The following ARHGAP15 variants were observed in gnomAD, a reference collection of about 807,000 sequenced individuals.
ARHGAP15 encodes rho GTPase-activating protein 15.
In ARHGAP15, 51 loss-of-function variants were observed where a neutral mutation model predicts 63.7. That is an observed-to-expected ratio of 0.80 (90% CI 0.64 to 1.01). ARHGAP15 has a LOEUF of 1.01. ARHGAP15 is among the 50% of genes least tolerant of loss of function. The pLI, the probability that ARHGAP15 is intolerant of heterozygous loss-of-function variation, is 0.00. For missense variants in ARHGAP15, 560 were observed against 564.6 expected (o/e 0.99, Z 0.08); for synonymous variants, 191 against 193.8 (o/e 0.99, Z 0.12).
intron 8 of ARHGAP15, among the ~76,000 whole-genome samples, chr2:143,448,122 T>C (rs576809490): frequency 3.3e-5 from 5 of 152,206 alleles, no homozygotes; most frequent in African/African-American, 7.2e-5. Context: ...AGAGCATGGA[T>C]AGACTTTTGT....
intron 5 of ARHGAP15, among the ~76,000 whole-genome samples, chr2:143,243,913 ATATT>A (rs2104955321): frequency 6.6e-6 from 1 of 152,240 alleles, no homozygotes; most frequent in South Asian, 2.1e-4. Context: ...TAAAGCGAAT[ATATT>A]TATTATTACT....
At chr2:143,375,836 A>G (rs946355346) in intron 6 of ARHGAP15, among the ~76,000 whole-genome samples, 3 of 152,192 alleles carry the variant, frequency 2.0e-5, no homozygotes, top group African/African-American at 4.8e-5. Context: ...TGAGACCCCA[A>G]CTACTCCAAA....
At chr2:143,253,165 A>G (rs1680243329) in intron 6 of ARHGAP15, among the ~76,000 whole-genome samples, 1 of 149,776 alleles carries the variant, frequency 6.7e-6, no homozygotes, top group South Asian at 2.1e-4. Context: ...GGAAAATCAA[A>G]GAAGAGCAAA....
intron 13 of ARHGAP15, among the ~76,000 whole-genome samples, chr2:143,739,896 C>A (rs1421715659): frequency 6.6e-6 from 1 of 152,190 alleles, no homozygotes; most frequent in African/African-American, 2.4e-5. Context: ...ACACCCCCAA[C>A]TAAGGAATTT....
chr2:143,315,406 A>G (rs1683654928), intron 6 of ARHGAP15, among the ~76,000 whole-genome samples: 1 of 152,298 alleles, frequency 6.6e-6, no homozygotes, highest in Admixed American at 6.5e-5. Context: ...TAGAATCATG[A>G]TATTATTATA....
At chr2:143,716,250 T>A (rs1253855784) in intron 13 of ARHGAP15, among the ~76,000 whole-genome samples, 1 of 152,162 alleles carries the variant, frequency 6.6e-6, no homozygotes, top group Non-Finnish European at 1.5e-5. Flanking sequence ...GAATGAGTTC[T>A]AAAAGAGGCT....
At chr2:143,648,565 A>G (rs1681007078) in intron 12 of ARHGAP15, 1 of 151,952 alleles carries the variant, frequency 6.6e-6, no homozygotes, top group Non-Finnish European at 1.5e-5. Context: ...TCCTTGGGCT[A>G]TTTTGGGTTT....
chr2:143,348,773 A>T (rs1266727186), intron 6 of ARHGAP15, among the ~76,000 whole-genome samples: 2 of 152,162 alleles, frequency 1.3e-5, no homozygotes, highest in Non-Finnish European at 2.9e-5. Flanking sequence ...CAATGGTGAT[A>T]GTTTTTCCCA....
At chr2:143,419,719 T>G (rs957422677) in intron 6 of ARHGAP15, among the ~76,000 whole-genome samples, 1 of 151,980 alleles carries the variant, frequency 6.6e-6, no homozygotes, top group African/African-American at 2.4e-5. Context: ...GAAAATACAT[T>G]AAATACTAAG....
chr2:143,725,145 A>G (rs573910754), intron 13 of ARHGAP15, among the ~76,000 whole-genome samples: 20 of 152,374 alleles, frequency 1.3e-4, no homozygotes, highest in East Asian at 9.6e-4. Context: ...GCATTTGCTT[A>G]ATCAGAACCT....
At chr2:143,693,503 A>C (rs911430484) in intron 12 of ARHGAP15, among the ~76,000 whole-genome samples, 6 of 152,162 alleles carry the variant, frequency 3.9e-5, no homozygotes, top group Admixed American at 2.0e-4. Flanking sequence ...AAAATATATA[A>C]ATATCTTTTT....
At chr2:143,518,381 G>A (rs1287939625) in intron 9 of ARHGAP15, among the ~76,000 whole-genome samples, 1 of 152,162 alleles carries the variant, frequency 6.6e-6, no homozygotes, top group Non-Finnish European at 1.5e-5. Context: ...GCTAGGCTAG[G>A]ATTTCACAGT....
intron 12 of ARHGAP15, among the ~76,000 whole-genome samples, chr2:143,647,858 T>C (rs1199143867): frequency 6.6e-6 from 1 of 152,052 alleles, no homozygotes; most frequent in East Asian, 1.9e-4. Context: ...AGAAATAAAT[T>C]AACTTTTCTC....
At chr2:143,679,725 G>C (rs1343876061) in intron 12 of ARHGAP15, among the ~76,000 whole-genome samples, 1 of 151,664 alleles carries the variant, frequency 6.6e-6, no homozygotes, top group Non-Finnish European at 1.5e-5. Flanking sequence ...GTGGAACCGT[G>C]GTTCCTGTGC....
At chr2:143,615,344 T>C (rs957531872) in intron 11 of ARHGAP15, among the ~76,000 whole-genome samples, 1 of 152,174 alleles carries the variant, frequency 6.6e-6, no homozygotes, top group Non-Finnish European at 1.5e-5. Flanking sequence ...AATTCTAAGT[T>C]AGCAAAAACC....
chr2:143,345,959 AG>A (rs1685255366), intron 6 of ARHGAP15, among the ~76,000 whole-genome samples: 1 of 152,080 alleles, frequency 6.6e-6, no homozygotes, highest in Non-Finnish European at 1.5e-5. Context: ...GGAGGGATTC[AG>A]TTTTATTCTC....
At chr2:143,193,259 C>T (rs1691748418) in intron 2 of ARHGAP15, 1 of 152,668 alleles carries the variant, frequency 6.6e-6, no homozygotes, top group Admixed American at 6.5e-5. Flanking sequence ...GGGCAAGAAT[C>T]CAGCCAACTT....
chr2:143,263,235 T>G (rs1193660280), intron 6 of ARHGAP15, among the ~76,000 whole-genome samples: 3 of 152,170 alleles, frequency 2.0e-5, no homozygotes, highest in African/African-American at 7.2e-5. Context: ...CCTCATTTCC[T>G]TGATTTCAGG....
At chr2:143,759,584 T>TAA (rs1207324975) in intron 13 of ARHGAP15, among the ~76,000 whole-genome samples, 2 of 152,250 alleles carry the variant, frequency 1.3e-5, no homozygotes, top group East Asian at 3.9e-4. Context: ...CCATGACCCC[T>TAA]AAGTCCCTCC....
Sources: gnomAD v4.1 joint callset for allele counts (sites outside exome capture counted in the v4.1 genomes callset) on GRCh38, gnomAD v4.1.1 for gene constraint, MANE v1.5 for transcripts, NCBI Gene and HGNC (gene_info 2026-07-23, HGNC 2026-07-21) for gene names.